NKD1: variants seen among roughly 807,000 people sequenced by gnomAD.
The protein encoded by NKD1 is protein naked cuticle homolog 1.
In NKD1, 21 loss-of-function variants were observed where a neutral mutation model predicts 56.0. The observed-to-expected ratio is 0.38, with a 90% confidence interval of 0.27 to 0.54. The LOEUF (loss-of-function observed/expected upper bound fraction) is 0.54, where lower values mean the gene tolerates loss of function less well. Ranked by LOEUF, NKD1 falls within the 20% of genes least tolerant of loss-of-function variation. NKD1 has a pLI of 0.82. For synonymous variants in NKD1, 263 were observed against 265.7 expected, an observed-to-expected ratio of 0.99 and a Z score of 0.10; for missense variants, 578 against 642.7, an observed-to-expected ratio of 0.90 and a Z score of 1.09.
At position 50,633,837 on chromosome 16, in the gene NKD1, A is replaced by G; in HGVS notation, c.*56A>G. 1.3e-6 allele frequency: 1 copy of G among 768,910 alleles called. No homozygotes were observed. Among genetic ancestry groups the G allele is most frequent in the Non-Finnish European group, 2.0e-6 (1 of 492,126 alleles). The allele number at this position is 768,910 out of a possible 1,614,324, so 47.6% of individuals were successfully genotyped here. A position where few individuals can be genotyped will look rare whatever the true frequency, so the allele number is the denominator to read the frequency against. ...TGAAGGACCCCACCCCCGACACCAC[A>G]AGGCATTATTATTCTATTAATTATT... is the stretch of plus-strand genomic sequence containing the variant. On this transcript the variant is annotated 3_prime_UTR_variant, in exon 10 of 10. Transcript: ENST00000268459. This position sits in a 1 kb window ranked among gnomAD's most constrained non-coding sequence, Gnocchi z 4.9.
chr16:50,633,507 C>T lies in NKD1; in HGVS notation c.1139C>T (p.Pro380Leu), dbSNP rs1204732114. 1.2e-6 allele frequency: 2 copies of T among 1,610,290 alleles called. No homozygotes were observed. Among genetic ancestry groups the T allele is most frequent in the Admixed American group, 3.3e-5 (2 of 59,708 alleles). The part of the protein sequence containing the change: ...PLGPAIPAVS[P>L]SAHLAASPAL... Reference sequence around the variant, plus strand: ...GGACCCGCCATCCCTGCGGTGTCCCCCTCCGCCCACCTGGCTGCCAGCCCG... The same window carrying T: ...GGACCCGCCATCCCTGCGGTGTCCCTCTCCGCCCACCTGGCTGCCAGCCCG... Residue 380 changes from proline to leucine, a missense_variant, in exon 10 of 10, where the codon CCC (proline) becomes CTC (leucine). Pro to Leu is a moderately conservative substitution (Grantham distance 98). Coordinates refer to ENST00000268459, the MANE Select transcript of NKD1 (RefSeq NM_033119.5). This position sits in a 1 kb window ranked among gnomAD's most constrained non-coding sequence, Gnocchi z 4.9.
chr16:50,622,082 G>A (rs543449659), intron 5 of NKD1, among the ~76,000 whole-genome samples: 1 of 152,318 alleles, frequency 6.6e-6, no homozygotes, highest in African/African-American at 2.4e-5. Context: ...TTCTGGGGGT[G>A]CCTGTGGGGG....
intron 3 of NKD1, among the ~76,000 whole-genome samples, chr16:50,577,027 G>GC (rs755151071): frequency 2.1e-4 from 32 of 152,288 alleles, no homozygotes; most frequent in Non-Finnish European, 3.8e-4. Context: ...TACCTGGCTG[G>GC]CCCTATACAA....
intron 3 of NKD1, chr16:50,558,178 A>G (rs1167795363): frequency 6.6e-6 from 1 of 152,234 alleles, no homozygotes; most frequent in East Asian, 1.9e-4. Flanking sequence ...AACCAATTAA[A>G]ATTTTTAGAA....
intron 4 of NKD1, among the ~76,000 whole-genome samples, chr16:50,614,059 GAGA>G (rs1206470432): frequency 1.3e-5 from 2 of 152,184 alleles, no homozygotes; most frequent in East Asian, 3.8e-4. Context: ...CAGGATGGTG[GAGA>G]AGAAGTCCCT....
At chr16:50,575,238 A>T in intron 3 of NKD1, 1 of 985,414 alleles carries the variant, frequency 1.0e-6, no homozygotes, top group Non-Finnish European at 1.2e-6. Context: ...GCTGAGAGAT[A>T]GGGAGGCCAG....
intron 3 of NKD1, chr16:50,557,582 C>T (rs1285539584): frequency 6.6e-6 from 1 of 152,198 alleles, no homozygotes; most frequent in African/African-American, 2.4e-5. Flanking sequence ...TTGTCACATG[C>T]TGTTGGGATG....
At position 50,641,896 on chromosome 16, in the gene NKD1, G is replaced by A. The variant is rs1386322489; in HGVS notation, c.*8115G>A. On this transcript the variant is annotated 3_prime_UTR_variant, in exon 10 of 10. Coordinates refer to ENST00000268459, the MANE Select transcript of NKD1 (RefSeq NM_033119.5). ...CCCCCAGCAAAGGGTCCCAGGCTGTGTGAGACCCCGCCCAGCACTCCTTAA... is the reference window on the plus strand; with the variant it reads ...CCCCCAGCAAAGGGTCCCAGGCTGTATGAGACCCCGCCCAGCACTCCTTAA... 1.3e-5 allele frequency: 2 copies of A among 152,230 alleles called. No homozygotes were observed. Among genetic ancestry groups the A allele is most frequent in the Non-Finnish European group, 2.9e-5 (2 of 68,102 alleles). 9.4% of individuals were successfully genotyped at this position (152,230 alleles called of 1,614,324 possible).
rs115509687 is a variant in NKD1, at chr16:50,627,626, C to T, written c.462+2046C>T. Among the ~76,000 whole-genome samples the T allele has an allele frequency of 2.5e-3, 385 of 152,358 alleles. 4 individuals are homozygous for T. The highest frequency in any genetic ancestry group is 8.2e-3 in the African/African-American group (342 of 41,596). On this transcript the variant is annotated intron_variant, in intron 6 of 9. Coordinates refer to ENST00000268459, the MANE Select transcript of NKD1 (RefSeq NM_033119.5). ...AGTGCCAGGGCAGATGGGCTCCCACCTCACGGCATCTGCAGCCCAGAGCTG... is the reference window on the plus strand; with the variant it reads ...AGTGCCAGGGCAGATGGGCTCCCACTTCACGGCATCTGCAGCCCAGAGCTG...
At position 50,626,938 on chromosome 16, in the gene NKD1, G is replaced by C. The variant is rs1962232984; in HGVS notation, c.462+1358G>C. On this transcript the variant is annotated intron_variant, in intron 6 of 9. Coordinates refer to ENST00000268459, the MANE Select transcript of NKD1 (RefSeq NM_033119.5). ...TTTGCTGACTGGTCTCCTCATCCTGGGTCAGGACGAGTGTTTTCTTCTCTG... is the reference window on the plus strand; with the variant it reads ...TTTGCTGACTGGTCTCCTCATCCTGCGTCAGGACGAGTGTTTTCTTCTCTG... Among the ~76,000 whole-genome samples, 3 of 152,212 alleles carry C rather than the reference G, an allele frequency of 2.0e-5. No homozygotes were observed. The South Asian group carries it at 6.2e-4, about 32-fold the overall frequency.
At chr16:50,561,526 C>G (rs1202011966) in intron 3 of NKD1, among the ~76,000 whole-genome samples, 2 of 151,540 alleles carry the variant, frequency 1.3e-5, no homozygotes, top group Non-Finnish European at 2.9e-5. Flanking sequence ...GTGGCTCTAA[C>G]AGCAAGGGTC....
intron 3 of NKD1, among the ~76,000 whole-genome samples, chr16:50,580,077 A>T (rs568999860): frequency 3.3e-5 from 5 of 151,536 alleles, no homozygotes; most frequent in Admixed American, 1.3e-4. Context: ...GTCGCTACAC[A>T]TGCACTCTAA....
chr16:50,574,209 C>T, intron 3 of NKD1: 3 of 985,286 alleles, frequency 3.0e-6, no homozygotes, highest in South Asian at 9.4e-5. Context: ...TTCTGGGACT[C>T]AATTTTCTCT....
chr16:50,576,761 T>TTTA (rs1961002608), intron 3 of NKD1, among the ~76,000 whole-genome samples: 1 of 151,276 alleles, frequency 6.6e-6, no homozygotes, highest in African/African-American at 2.4e-5. Flanking sequence ...TTTTTTTTTT[T>TTTA]AAAGAATGAC....
intron 3 of NKD1, among the ~76,000 whole-genome samples, chr16:50,594,313 T>G (rs1375821516): frequency 6.6e-6 from 1 of 152,230 alleles, no homozygotes; most frequent in Non-Finnish European, 1.5e-5. Flanking sequence ...TTCCACCTGC[T>G]TTGTCTGAGA....
intron 3 of NKD1, among the ~76,000 whole-genome samples, chr16:50,601,608 T>G (rs1422178388): frequency 6.6e-6 from 1 of 152,280 alleles, no homozygotes; most frequent in East Asian, 1.9e-4. Flanking sequence ...GCCGATGAGA[T>G]GAGATGCAGC....
chr16:50,563,360 G>A (rs1960686024), intron 3 of NKD1, among the ~76,000 whole-genome samples: 1 of 151,212 alleles, frequency 6.6e-6, no homozygotes, highest in Admixed American at 6.6e-5. Context: ...AATGGGCACA[G>A]CCCTAGATGC....
intron 3 of NKD1, among the ~76,000 whole-genome samples, chr16:50,568,449 G>A (rs947030968): frequency 2.0e-5 from 3 of 152,226 alleles, no homozygotes; most frequent in African/African-American, 7.2e-5. Context: ...GTAAACTGGG[G>A]ATAACAGCAG....
In NKD1 at chr16:50,643,706, CACA is replaced by C. The variant is rs1962624383; in HGVS notation, c.*9929_*9931del. ...GGTTAGGTTCCTGCCAGCTTCTGGT[CACA>C]ACATTTTCATTACCAATCAGTGCAT... is the stretch of plus-strand genomic sequence containing the variant. On this transcript the variant is annotated 3_prime_UTR_variant, in exon 10 of 10. Coordinates refer to ENST00000268459, the MANE Select transcript of NKD1 (RefSeq NM_033119.5). 1 of 152,232 alleles carries C rather than the reference CACA, an allele frequency of 6.6e-6. No individual in the cohort carries two copies. The highest frequency in any genetic ancestry group is 1.5e-5 in the Non-Finnish European group (1 of 68,040). The allele number at this position is 152,232 out of a possible 1,614,324, so 9.4% of individuals were successfully genotyped here.
Sources: allele counts gnomAD v4.1 joint callset (sites outside exome capture counted in the v4.1 genomes callset), GRCh38; gene constraint gnomAD v4.1.1; non-coding constraint Gnocchi (gnomAD v3.1); transcripts MANE v1.5; gene names NCBI Gene and HGNC (gene_info 2026-07-23, HGNC 2026-07-21).